CNTNAP5: variants seen among roughly 807,000 people sequenced by gnomAD.
The protein encoded by CNTNAP5 is contactin-associated protein-like 5.
A neutral mutation model predicts 150.2 loss-of-function variants in CNTNAP5; 72 were observed. The ratio of observed to expected loss-of-function variants is 0.48; its 90% CI spans 0.40 to 0.58. The LOEUF is 0.58. CNTNAP5 is among the 20% of genes least tolerant of loss of function. CNTNAP5 has a pLI of 0.00. For synonymous variants in CNTNAP5, 672 were observed against 619.8 expected, an observed-to-expected ratio of 1.08 and a Z score of -1.25; for missense variants, 1,636 against 1,626.2, an observed-to-expected ratio of 1.01 and a Z score of -0.10.
At chr2:124,584,805 T>C (rs1696491614) in intron 11 of CNTNAP5, among the ~76,000 whole-genome samples, 1 of 152,226 alleles carries the variant, frequency 6.6e-6, no homozygotes, top group Admixed American at 6.5e-5. Context: ...CTCTGTCTAG[T>C]TGAAACCAGT....
chr2:124,557,019 A>C (rs1695772787), intron 10 of CNTNAP5, among the ~76,000 whole-genome samples: 1 of 152,068 alleles, frequency 6.6e-6, no homozygotes, highest in Non-Finnish European at 1.5e-5. Flanking sequence ...CCGCTCAAAA[A>C]AAAAAAAAGC....
chr2:124,446,128 T>G (rs2104805794), intron 5 of CNTNAP5, among the ~76,000 whole-genome samples: 1 of 152,226 alleles, frequency 6.6e-6, no homozygotes. Context: ...AAACCTAGAT[T>G]CAAGTTCTGA....
intron 19 of CNTNAP5, among the ~76,000 whole-genome samples, chr2:124,810,273 C>G (rs1051244074): frequency 6.6e-6 from 1 of 152,130 alleles, no homozygotes; most frequent in African/African-American, 2.4e-5. Context: ...GATTCCAGCT[C>G]TTGGTGTCTC....
At chr2:124,307,368 G>C (rs919506) in intron 3 of CNTNAP5, among the ~76,000 whole-genome samples, 1 of 151,898 alleles carries the variant, frequency 6.6e-6, no homozygotes, top group Admixed American at 6.5e-5. Flanking sequence ...CCATCTCCAA[G>C]TACCATTACA....
intron 18 of CNTNAP5, among the ~76,000 whole-genome samples, chr2:124,793,965 C>G (rs796947616): frequency 2.6e-5 from 4 of 152,228 alleles, no homozygotes; most frequent in African/African-American, 9.6e-5. Context: ...CAAAAATAAT[C>G]ATTAATAGGG....
At chr2:124,492,069 T>C (rs980627305) in intron 7 of CNTNAP5, among the ~76,000 whole-genome samples, 1 of 152,160 alleles carries the variant, frequency 6.6e-6, no homozygotes, top group Non-Finnish European at 1.5e-5. Context: ...ATTCTGTAGG[T>C]TGCCTTTTCA....
intron 3 of CNTNAP5, among the ~76,000 whole-genome samples, chr2:124,313,151 TG>T (rs1688877987): frequency 1.3e-5 from 2 of 152,360 alleles, no homozygotes; most frequent in Non-Finnish European, 1.5e-5. Flanking sequence ...ATCATCGATA[TG>T]TAACAGTCAC....
intron 7 of CNTNAP5, among the ~76,000 whole-genome samples, chr2:124,479,876 T>C (rs1213324752): frequency 6.6e-6 from 1 of 152,132 alleles, no homozygotes; most frequent in Non-Finnish European, 1.5e-5. Context: ...CCCTCATACA[T>C]AAAATGAGGG....
chr2:124,653,874 T>C (rs1678371978), intron 13 of CNTNAP5, among the ~76,000 whole-genome samples: 1 of 148,560 alleles, frequency 6.7e-6, no homozygotes, highest in Admixed American at 6.8e-5. Context: ...TGCATACTTG[T>C]AGTAGGGAAG....
intron 13 of CNTNAP5, among the ~76,000 whole-genome samples, chr2:124,670,285 A>G (rs1315421670): frequency 6.7e-6 from 1 of 149,364 alleles, no homozygotes; most frequent in Admixed American, 6.7e-5. Context: ...TATGAAGCAT[A>G]TGTCATTGTG....
intron 13 of CNTNAP5, among the ~76,000 whole-genome samples, chr2:124,670,394 T>G (rs1474594058): frequency 1.3e-5 from 2 of 152,122 alleles, no homozygotes; most frequent in African/African-American, 4.8e-5. Flanking sequence ...TCTACTCAGC[T>G]CCTTTGACCT....
At chr2:124,357,784 A>G (rs1262734085) in intron 3 of CNTNAP5, among the ~76,000 whole-genome samples, 2 of 145,968 alleles carry the variant, frequency 1.4e-5, no homozygotes, top group Non-Finnish European at 3.0e-5. Flanking sequence ...TGCCTTGGCG[A>G]TGCGGGCTCT....
At chr2:124,745,273 G>A (rs1249036358) in intron 13 of CNTNAP5, among the ~76,000 whole-genome samples, 2 of 152,190 alleles carry the variant, frequency 1.3e-5, no homozygotes, top group Non-Finnish European at 2.9e-5. Context: ...CATAAACAAA[G>A]TATCTCTTGC....
intron 12 of CNTNAP5, among the ~76,000 whole-genome samples, chr2:124,627,158 C>T (rs1267736569): frequency 6.6e-6 from 1 of 152,132 alleles, no homozygotes; most frequent in African/African-American, 2.4e-5. Flanking sequence ...TTCCTGCCTG[C>T]CGGCTCTGAA....
intron 11 of CNTNAP5, among the ~76,000 whole-genome samples, chr2:124,569,685 G>T (rs576398334): frequency 6.6e-6 from 1 of 152,190 alleles, no homozygotes; most frequent in East Asian, 1.9e-4. Flanking sequence ...AACAGTGTAG[G>T]CTCTCTGACA....
chr2:124,495,754 A>T (rs1273298259), intron 7 of CNTNAP5, among the ~76,000 whole-genome samples: 8 of 152,054 alleles, frequency 5.3e-5, no homozygotes, highest in Admixed American at 5.2e-4. Flanking sequence ...TGTATTATGG[A>T]CTTCTTTTCA....
intron 10 of CNTNAP5, among the ~76,000 whole-genome samples, chr2:124,532,477 G>C (rs1373944592): frequency 6.6e-6 from 1 of 152,116 alleles, no homozygotes; most frequent in Non-Finnish European, 1.5e-5. Context: ...CAAGATCCAG[G>C]ACAGGAGAGA....
chr2:124,758,735 C>A (rs1418163881), intron 14 of CNTNAP5, among the ~76,000 whole-genome samples: 4 of 151,906 alleles, frequency 2.6e-5, no homozygotes, highest in African/African-American at 9.7e-5. Context: ...ATGACTACAG[C>A]ATGCAAGCAG....
intron 3 of CNTNAP5, among the ~76,000 whole-genome samples, chr2:124,314,081 A>G (rs980240864): frequency 3.9e-5 from 6 of 152,204 alleles, no homozygotes; most frequent in Non-Finnish European, 8.8e-5. Context: ...GATTTGTAGT[A>G]AAACTGAGAT....
Sources: allele counts gnomAD v4.1 joint callset (sites outside exome capture counted in the v4.1 genomes callset), GRCh38; gene constraint gnomAD v4.1.1; transcripts MANE v1.5; gene names NCBI Gene and HGNC (gene_info 2026-07-23, HGNC 2026-07-21).